CLTA: variants seen among roughly 807,000 people sequenced by gnomAD.
CLTA encodes clathrin light chain A.
CLTA carries 9 observed loss-of-function variants against 26.9 expected under a neutral mutation model. The ratio of observed to expected loss-of-function variants is 0.33; its 90% confidence interval spans 0.20 to 0.58. The LOEUF (loss-of-function observed/expected upper bound fraction) is 0.58, where lower values mean the gene tolerates loss of function less well. Among genes scored for constraint, CLTA ranks in the 20% least tolerant of loss-of-function variants. The pLI is 0.85. For missense variants in CLTA, 278 were observed against 294.2 expected (o/e 0.94, Z 0.40); for synonymous variants, 120 against 115.5 (o/e 1.04, Z -0.25).
At chr9:36,202,119 C>CA (rs946209104) in intron 3 of CLTA, among the ~76,000 whole-genome samples, 9 of 151,424 alleles carry the variant, frequency 5.9e-5, no homozygotes, top group South Asian at 2.1e-4. Context: ...TCAAATAAAA[C>CA]AAAAAAAAGT....
chr9:36,205,223 T>C (rs1449781033), intron 4 of CLTA, among the ~76,000 whole-genome samples: 1 of 152,134 alleles, frequency 6.6e-6, no homozygotes, highest in Non-Finnish European at 1.5e-5. Context: ...CACTTTCCTC[T>C]GGGGGCGGTG....
intron 4 of CLTA, among the ~76,000 whole-genome samples, chr9:36,208,360 G>A (rs1827840737): frequency 6.6e-6 from 1 of 152,322 alleles, no homozygotes; most frequent in Middle Eastern, 3.4e-3. Flanking sequence ...GCCATGTTGA[G>A]AGTTAAGAAG....
chr9:36,201,521 A>G (rs569446205), intron 3 of CLTA, among the ~76,000 whole-genome samples: 1 of 152,360 alleles, frequency 6.6e-6, no homozygotes, highest in Non-Finnish European at 1.5e-5. Flanking sequence ...TTTATGCAGT[A>G]ACCACAGTCT....
Position 36,211,611 on chromosome 9 carries a change from A to C in CLTA, c.494A>C (p.Glu165Ala), listed in dbSNP as rs1317114671. The change falls in exon 5 of 5, where the codon GAA (glutamate) becomes GCA (alanine). Residue 165 changes from glutamate (E) to alanine (A), a missense_variant. Glu to Ala is a moderately radical substitution (Grantham distance 107). Coordinates refer to ENST00000345519, the MANE Select transcript of CLTA (RefSeq NM_001833.4). ...QKTKANNRAAEEAFVNDIDES... is the reference protein window; with the variant it reads ...QKTKANNRAAAEAFVNDIDES... ...TTTGTTGTTGCTTCCAGGGCAGCAG[A>C]AGAAGCCTTTGTAAATGACATTGAC... The C allele has an allele frequency of 3.7e-6, 6 of 1,611,420 alleles. No homozygotes were observed. The highest frequency in any genetic ancestry group is 1.7e-5 in the Admixed American group (1 of 59,862).
At chr9:36,196,360 T>A (rs1450791288) in intron 1 of CLTA, among the ~76,000 whole-genome samples, 3 of 151,184 alleles carry the variant, frequency 2.0e-5, no homozygotes, top group Admixed American at 2.0e-4. Flanking sequence ...TTTTTTTTAT[T>A]TTTTGAGATG....
chr9:36,211,779 C>A lies in CLTA; in HGVS notation c.*5C>A. 1 of 1,601,696 alleles carries A rather than the reference C, an allele frequency of 6.2e-7. No homozygotes were observed. The highest frequency in any genetic ancestry group is 8.5e-7 in the Non-Finnish European group (1 of 1,170,616). ...CAGGCCCCGCTGGTGCACTGAAGAG[C>A]CACCCTGTGGAAACACTACATCTGC... On this transcript the variant is annotated 3_prime_UTR_variant, in exon 5 of 5. Coordinates refer to ENST00000345519, the MANE Select transcript of CLTA (RefSeq NM_001833.4).
chr9:36,192,541 C>G (rs990652354), intron 1 of CLTA, among the ~76,000 whole-genome samples: 7 of 152,092 alleles, frequency 4.6e-5, no homozygotes, highest in Admixed American at 2.0e-4. Flanking sequence ...AACTTTATAG[C>G]GGGTAGGTTG....
At chr9:36,205,279 C>G (rs1827648352) in intron 4 of CLTA, among the ~76,000 whole-genome samples, 1 of 151,356 alleles carries the variant, frequency 6.6e-6, no homozygotes, top group African/African-American at 2.5e-5. Context: ...CCACAGGACT[C>G]CACAGTCCCA....
intron 1 of CLTA, among the ~76,000 whole-genome samples, chr9:36,193,939 C>T (rs1390039995): frequency 6.6e-6 from 1 of 152,134 alleles, no homozygotes; most frequent in Non-Finnish European, 1.5e-5. Context: ...ACAAGTGGAG[C>T]TGTTGAAAAG....
At chr9:36,202,273 C>T (rs1423519003) in intron 3 of CLTA, among the ~76,000 whole-genome samples, 2 of 152,154 alleles carry the variant, frequency 1.3e-5, no homozygotes, top group Non-Finnish European at 2.9e-5. Flanking sequence ...TGCTATTAGG[C>T]TTTTTCTTAT....
chr9:36,200,392 T>C (rs1311777195), intron 3 of CLTA, among the ~76,000 whole-genome samples: 1 of 152,252 alleles, frequency 6.6e-6, no homozygotes, highest in Non-Finnish European at 1.5e-5. Flanking sequence ...TCATATACTT[T>C]GTGTCTAAAT....
chr9:36,211,954 A>C lies in CLTA; in HGVS notation c.*180A>C. 1 of 701,564 alleles carries C rather than the reference A, an allele frequency of 1.4e-6. No individual in the cohort carries two copies. Among genetic ancestry groups the C allele is most frequent in the Non-Finnish European group, 2.5e-6 (1 of 394,658 alleles). 43.5% of individuals were successfully genotyped at this position (701,564 alleles called of 1,614,324 possible). A position where few individuals can be genotyped will look rare whatever the true frequency, so the allele number is the denominator to read the frequency against. On this transcript the variant is annotated 3_prime_UTR_variant, in exon 5 of 5. Transcript: ENST00000345519. ...CAACTGTGTTCTCCCTGGCATTCAG[A>C]GAGGAGGGAGAGGAGGAAGAGGAAG...
intron 4 of CLTA, 85 bp from the exon 5 acceptor site, chr9:36,211,518 A>G: frequency 6.7e-7 from 1 of 1,491,694 alleles, no homozygotes; most frequent in Non-Finnish European, 9.1e-7. Context: ...AGGGACAAAT[A>G]GGCAGTTGCT....
At chr9:36,199,204 T>C in intron 3 of CLTA, 108 bp downstream of exon 3, 1 of 763,490 alleles carries the variant, frequency 1.3e-6, no homozygotes, top group East Asian at 2.6e-5. Flanking sequence ...TTGTCTGGTC[T>C]TTGGGAAGAT....
At chr9:36,203,350 C>T (rs551607608) in intron 3 of CLTA, among the ~76,000 whole-genome samples, 1 of 152,212 alleles carries the variant, frequency 6.6e-6, no homozygotes, top group Non-Finnish European at 1.5e-5. Flanking sequence ...CACTTCTCTC[C>T]AGTGGAGTTT....
Position 36,209,455 on chromosome 9 carries a change from A to G in CLTA, c.486-2148A>G, listed in dbSNP as rs1827916085. The G allele has an allele frequency of 5.7e-6, 4 of 698,866 alleles. No individual in the cohort carries two copies. The East Asian group carries it at 1.1e-4, about 19-fold the overall frequency. The allele number at this position is 698,866 out of a possible 1,614,324, so 43.3% of individuals were successfully genotyped here. On this transcript the variant is annotated intron_variant, in intron 4 of 4. Transcript: ENST00000345519. ...TTGGCACTTTGGGGGCTGCCTAAGA[A>G]TTGATAAGCGGGGTATGATCTGTTG...
At chr9:36,206,148 T>C (rs1336262450) in intron 4 of CLTA, among the ~76,000 whole-genome samples, 1 of 152,142 alleles carries the variant, frequency 6.6e-6, no homozygotes, top group Non-Finnish European at 1.5e-5. Context: ...TACTTGGAAC[T>C]GTAGAATGCT....
chr9:36,202,704 G>T (rs1221439318), intron 3 of CLTA, among the ~76,000 whole-genome samples: 1 of 152,120 alleles, frequency 6.6e-6, no homozygotes, highest in African/African-American at 2.4e-5. Context: ...TGGGATTGTT[G>T]TAAAGATTGA....
intron 4 of CLTA, among the ~76,000 whole-genome samples, chr9:36,208,613 C>A (rs553779171): frequency 4.7e-4 from 71 of 152,228 alleles, no homozygotes; most frequent in Non-Finnish European, 9.1e-4. Flanking sequence ...GAAGTGTATC[C>A]CACCCAGACA....
Sources: gnomAD v4.1 joint callset for allele counts (sites outside exome capture counted in the v4.1 genomes callset) on GRCh38, gnomAD v4.1.1 for gene constraint, MANE v1.5 for transcripts, NCBI Gene and HGNC (gene_info 2026-07-23, HGNC 2026-07-21) for gene names.